The following KANK1 variants were observed in gnomAD, a reference collection of about 807,000 sequenced individuals.
KANK1 encodes KN motif and ankyrin repeat domain-containing protein 1.
KANK1 carries 109 observed loss-of-function variants against 106.2 expected under a neutral mutation model. That is an observed-to-expected ratio of 1.03 (90% confidence interval 0.88 to 1.20). The LOEUF is 1.20. Ranked by LOEUF, KANK1 falls within the 50% of genes most tolerant of loss-of-function variation. KANK1 has a pLI of 0.00. For missense variants in KANK1, 2,399 were observed against 1,710.7 expected (o/e 1.40, Z -7.10); for synonymous variants, 873 against 652.2 (o/e 1.34, Z -5.16).
intron 1 of KANK1, among the ~76,000 whole-genome samples, chr9:562,028 G>C (rs1228492798): frequency 2.1e-5 from 3 of 145,414 alleles, no homozygotes; most frequent in Non-Finnish European, 4.5e-5. Context: ...TTCCAAGTAA[G>C]TAAATTGCAT....
chr9:563,966 C>A (rs1030775817), intron 1 of KANK1, among the ~76,000 whole-genome samples: 2 of 152,086 alleles, frequency 1.3e-5, no homozygotes, highest in African/African-American at 2.4e-5. Context: ...GGCCTGTGAA[C>A]CTCTAGAAGA....
At chr9:610,503 A>G (rs1830313769) in intron 1 of KANK1, among the ~76,000 whole-genome samples, 1 of 152,196 alleles carries the variant, frequency 6.6e-6, no homozygotes. Context: ...CCCTCTGTGG[A>G]TAAGCCATAG....
chr9:592,736 A>G (rs1050726363), intron 1 of KANK1, among the ~76,000 whole-genome samples: 9 of 151,966 alleles, frequency 5.9e-5, no homozygotes, highest in Non-Finnish European at 1.0e-4. Context: ...AGGAATTAAA[A>G]TTAATTTCTT....
intron 1 of KANK1, among the ~76,000 whole-genome samples, chr9:545,376 C>G (rs747033113): frequency 7.9e-5 from 12 of 152,142 alleles, no homozygotes; most frequent in East Asian, 1.9e-4. Context: ...ATTTGAAGTT[C>G]AGAAAAGAGA....
intron 1 of KANK1, among the ~76,000 whole-genome samples, chr9:535,802 C>T (rs114891336): frequency 6.6e-6 from 1 of 152,200 alleles, no homozygotes; most frequent in Non-Finnish European, 1.5e-5. Flanking sequence ...ATGCTCGTCA[C>T]AAGCAGTCTT....
At chr9:707,266 GCGTGGGGCGGCCACCGC>G (rs1264056972) in intron 2 of KANK1, 1 of 981,036 alleles carries the variant, frequency 1.0e-6, no homozygotes, top group Non-Finnish European at 1.2e-6. Context: ...GCTGCGAGCG[GCGTGGGGCGGCCACCGC>G]TGGCCGAATT....
intron 3 of KANK1, among the ~76,000 whole-genome samples, chr9:721,785 C>G (rs1829410260): frequency 6.6e-6 from 1 of 152,234 alleles, no homozygotes; most frequent in African/African-American, 2.4e-5. Flanking sequence ...GTCTGCTGTT[C>G]ACTTATGTGC....
chr9:677,093 A>C, intron 2 of KANK1, 84 bp downstream of exon 2: 1 of 1,256,840 alleles, frequency 8.0e-7, no homozygotes, highest in Non-Finnish European at 1.1e-6. Flanking sequence ...ATGAACGGAT[A>C]ATAGCAAGTT....
chr9:531,395 C>T (rs1017210847), intron 1 of KANK1, among the ~76,000 whole-genome samples: 6 of 152,184 alleles, frequency 3.9e-5, no homozygotes, highest in East Asian at 1.9e-4. Context: ...TGTACCCCTA[C>T]ACTCCATCCT....
chr9:646,928 C>A (rs971008779), intron 1 of KANK1, among the ~76,000 whole-genome samples: 4 of 150,664 alleles, frequency 2.7e-5, no homozygotes, highest in African/African-American at 1.0e-4. Context: ...AAACTCCTGA[C>A]CTGAAGTAAT....
At position 665,545 on chromosome 9, in the gene KANK1, G is replaced by C. The variant is rs1465063207; in HGVS notation, c.-83-11345G>C. ...GTGTTTGTGTCTGTTTTTTATGCCA[G>C]TACCGTGCTGATCTGGCTACTATAG... On this transcript the variant is annotated intron_variant, in intron 1 of 11. Transcript: ENST00000382297. Among the ~76,000 whole-genome samples, 3 of 152,156 alleles carry C rather than the reference G, an allele frequency of 2.0e-5. No individual in the cohort carries two copies. The East Asian group carries it at 5.8e-4, about 29-fold the overall frequency.
chr9:506,554 G>T (rs1383328999), intron 1 of KANK1, among the ~76,000 whole-genome samples: 1 of 152,086 alleles, frequency 6.6e-6, no homozygotes, highest in African/African-American at 2.4e-5. Flanking sequence ...GTGTGCGTGT[G>T]CGTGCGCGCT....
At chr9:710,118 G>A (rs984315654) in intron 2 of KANK1, among the ~76,000 whole-genome samples, 6 of 151,992 alleles carry the variant, frequency 3.9e-5, no homozygotes, top group African/African-American at 1.5e-4. Context: ...GCACTATTTG[G>A]GTGATGTGTA....
At chr9:633,408 T>A (rs559743359) in intron 1 of KANK1, among the ~76,000 whole-genome samples, 7 of 151,976 alleles carry the variant, frequency 4.6e-5, no homozygotes, top group African/African-American at 1.2e-4. Flanking sequence ...CAGTGAGCCG[T>A]GATCGCGCCC....
At chr9:518,283 T>C (rs967820732) in intron 1 of KANK1, among the ~76,000 whole-genome samples, 2 of 151,952 alleles carry the variant, frequency 1.3e-5, no homozygotes, top group African/African-American at 4.9e-5. Flanking sequence ...GAGGCCCATC[T>C]GATTTGAGTC....
At chr9:658,731 C>A (rs915894681) in intron 1 of KANK1, among the ~76,000 whole-genome samples, 4 of 152,080 alleles carry the variant, frequency 2.6e-5, no homozygotes, top group African/African-American at 9.7e-5. Context: ...GTTGAAAAGA[C>A]TTTCCTTCCT....
At chr9:562,660 C>T (rs1167896546) in intron 1 of KANK1, among the ~76,000 whole-genome samples, 1 of 152,126 alleles carries the variant, frequency 6.6e-6, no homozygotes, top group Non-Finnish European at 1.5e-5. Context: ...TGAGGATTTC[C>T]TGAGATGATA....
At chr9:489,331 C>T (rs1355635808) in intron 3 of KANK1, among the ~76,000 whole-genome samples, 1 of 152,130 alleles carries the variant, frequency 6.6e-6, no homozygotes, top group Non-Finnish European at 1.5e-5. Context: ...AGCCACTAAA[C>T]TCAACAATCT....
chr9:515,144 C>G (rs925059545), intron 1 of KANK1, among the ~76,000 whole-genome samples: 1 of 151,542 alleles, frequency 6.6e-6, no homozygotes, highest in African/African-American at 2.4e-5. Flanking sequence ...GAGATCAAGA[C>G]CATCCTGGCT....
Sources: allele counts gnomAD v4.1 joint callset (sites outside exome capture counted in the v4.1 genomes callset), GRCh38; gene constraint gnomAD v4.1.1; transcripts MANE v1.5; gene names NCBI Gene and HGNC (gene_info 2026-07-23, HGNC 2026-07-21).